Variants in RBFOX3 observed in about 807,000 individuals in gnomAD.
The protein encoded by RBFOX3 is RNA binding protein fox-1 homolog 3.
RBFOX3 carries 17 observed loss-of-function variants against 48.7 expected under a neutral mutation model. The observed-to-expected ratio is 0.35, with a 90% CI of 0.24 to 0.52. The LOEUF is 0.52. Among genes scored for constraint, RBFOX3 ranks in the 20% least tolerant of loss-of-function variants. RBFOX3 has a pLI of 0.94. For synonymous variants in RBFOX3, 212 were observed against 209.5 expected, an observed-to-expected ratio of 1.01 and a Z score of -0.10; for missense variants, 382 against 497.5, an observed-to-expected ratio of 0.77 and a Z score of 2.21.
intron 3 of RBFOX3, among the ~76,000 whole-genome samples, chr17:79,304,239 T>C (rs1024327666): frequency 3.3e-5 from 5 of 152,066 alleles, no homozygotes; most frequent in Admixed American, 6.6e-5. Context: ...AACAGAATGA[T>C]ATTCAATCAT....
At chr17:79,435,546 C>T (rs1348573737) in intron 2 of RBFOX3, among the ~76,000 whole-genome samples, 1 of 152,238 alleles carries the variant, frequency 6.6e-6, no homozygotes, top group Non-Finnish European at 1.5e-5. Context: ...AGCACAGTCA[C>T]CACCTCCTCC....
At chr17:79,123,935 T>C (rs1397888043) in intron 4 of RBFOX3, among the ~76,000 whole-genome samples, 1 of 152,170 alleles carries the variant, frequency 6.6e-6, no homozygotes, top group Non-Finnish European at 1.5e-5. Flanking sequence ...ACGAACGCCA[T>C]TTTTACAGAG....
chr17:79,591,853 C>A (rs1024142417), intron 1 of RBFOX3, among the ~76,000 whole-genome samples: 1 of 139,896 alleles, frequency 7.1e-6, no homozygotes, highest in Admixed American at 7.0e-5. Flanking sequence ...GGGGTGTGCA[C>A]GTGTGGAGGG....
At chr17:79,271,500 G>A (rs2067696182) in intron 3 of RBFOX3, among the ~76,000 whole-genome samples, 1 of 152,182 alleles carries the variant, frequency 6.6e-6, no homozygotes, top group South Asian at 2.1e-4. Flanking sequence ...TCTTTGCGCT[G>A]TCCTTCTCCC....
At chr17:79,219,404 G>GCA (rs142118751) in intron 4 of RBFOX3, among the ~76,000 whole-genome samples, 2 of 152,158 alleles carry the variant, frequency 1.3e-5, no homozygotes, top group African/African-American at 4.8e-5. Context: ...GCGTGCGCGT[G>GCA]CACACACACA....
At chr17:79,356,804 C>A (rs1380939277) in intron 2 of RBFOX3, among the ~76,000 whole-genome samples, 1 of 152,084 alleles carries the variant, frequency 6.6e-6, no homozygotes, top group Non-Finnish European at 1.5e-5. Context: ...TGGGAAGAAT[C>A]ATGAAAAGTC....
chr17:79,210,043 G>A (rs1331235026), intron 4 of RBFOX3, among the ~76,000 whole-genome samples: 1 of 151,844 alleles, frequency 6.6e-6, no homozygotes, highest in Non-Finnish European at 1.5e-5. Flanking sequence ...GTTTCTGTGT[G>A]CGCACAGAGG....
In RBFOX3 at chr17:79,097,244, C is replaced by T. The variant is rs1568119138; in HGVS notation, c.755+48G>A. 4 of 1,470,756 alleles carry T rather than the reference C, an allele frequency of 2.7e-6. No homozygotes were observed. In the South Asian group the frequency reaches 3.9e-5, roughly 14 times the overall value. The allele number at this position is 1,470,756 out of a possible 1,614,324, so 91.1% of individuals were successfully genotyped here. A position where few individuals can be genotyped will look rare whatever the true frequency, so the allele number is the denominator to read the frequency against. ...CAGGGCCTCCCCATTTCCCTCCTCC[C>T]CGCCGTCCTACCCCCTCCTCCACGC... is the stretch of plus-strand genomic sequence containing the variant. On this transcript the variant is annotated intron_variant, in intron 11 of 14. Coordinates refer to ENST00000693108, the MANE Select transcript of RBFOX3 (RefSeq NM_001350451.2).
intron 4 of RBFOX3, among the ~76,000 whole-genome samples, chr17:79,168,703 C>T (rs1407071273): frequency 6.6e-6 from 1 of 152,236 alleles, no homozygotes; most frequent in African/African-American, 2.4e-5. Flanking sequence ...CCGCACGGGG[C>T]TGCGGCCTCT....
At position 79,363,949 on chromosome 17, in the gene RBFOX3, A is replaced by G. The variant is rs574904777; in HGVS notation, c.-174-56125T>C. Among the ~76,000 whole-genome samples the G allele has an allele frequency of 6.6e-6, 1 of 151,938 alleles. No homozygotes were observed. Among genetic ancestry groups the G allele is most frequent in the Non-Finnish European group, 1.5e-5 (1 of 67,984 alleles). ...AGCCACCCTGGCCTCCAGCTCCTCC[A>G]CAAATCACAGCCTGTGCTCCACCAC... On this transcript the variant is annotated intron_variant, in intron 2 of 14. Transcript: ENST00000693108. This position sits in a 1 kb window ranked among gnomAD's most constrained non-coding sequence, Gnocchi z 4.7.
At chr17:79,485,148 C>G (rs1293797676) in intron 1 of RBFOX3, among the ~76,000 whole-genome samples, 1 of 152,130 alleles carries the variant, frequency 6.6e-6, no homozygotes, top group African/African-American at 2.4e-5. Context: ...TGGGGAGAGG[C>G]GGGCTGTCTG....
chr17:79,132,855 A>C (rs2039298765), intron 4 of RBFOX3: 2 of 152,218 alleles, frequency 1.3e-5, no homozygotes, highest in South Asian at 4.1e-4. Context: ...AGGAAAAGCA[A>C]AGCCCTTCCC....
intron 4 of RBFOX3, among the ~76,000 whole-genome samples, chr17:79,190,150 G>A (rs1277527936): frequency 6.6e-6 from 1 of 152,206 alleles, no homozygotes; most frequent in South Asian, 2.1e-4. Context: ...AGTGGCTCAC[G>A]CCTGTAATCC....
intron 2 of RBFOX3, among the ~76,000 whole-genome samples, chr17:79,420,477 C>CTAGA (rs1555721721): frequency 3.3e-5 from 5 of 152,152 alleles, no homozygotes. Context: ...AGCCAGCCTG[C>CTAGA]TAGAGTCCCC....
intron 14 of RBFOX3, among the ~76,000 whole-genome samples, chr17:79,092,989 G>A (rs750769713): frequency 6.6e-6 from 1 of 152,112 alleles, no homozygotes; most frequent in Non-Finnish European, 1.5e-5. Flanking sequence ...CCACCTCCTC[G>A]CACCCCAGCA....
intron 5 of RBFOX3, among the ~76,000 whole-genome samples, chr17:79,108,929 G>A (rs896869113): frequency 4.6e-5 from 7 of 152,254 alleles, no homozygotes; most frequent in African/African-American, 4.8e-5. Flanking sequence ...ACGTGTCCAC[G>A]TTCCTGATGC....
At chr17:79,287,003 A>T (rs375037718) in intron 3 of RBFOX3, among the ~76,000 whole-genome samples, 1 of 152,254 alleles carries the variant, frequency 6.6e-6, no homozygotes, top group Non-Finnish European at 1.5e-5. Context: ...AGCCAGGCAC[A>T]GTTCACTAGC....
chr17:79,503,933 C>T lies in RBFOX3; in HGVS notation c.-319-21335G>A, dbSNP rs932854973. Among the ~76,000 whole-genome samples, 21 of 152,296 alleles carry T rather than the reference C, an allele frequency of 1.4e-4. 1 individual carries two copies. The highest frequency in any genetic ancestry group is 1.9e-4 in the East Asian group (1 of 5,178). On this transcript the variant is annotated intron_variant, in intron 1 of 14. Coordinates refer to ENST00000693108, the MANE Select transcript of RBFOX3 (RefSeq NM_001350451.2). ...CCCTTCCTCCCGACTTAGACTCCAG[C>T]GGAGCTTGTGCACACCCACCTTCCA...
intron 2 of RBFOX3, among the ~76,000 whole-genome samples, chr17:79,454,037 T>A (rs2074037912): frequency 6.6e-6 from 1 of 152,028 alleles, no homozygotes; most frequent in African/African-American, 2.4e-5. Flanking sequence ...GTGTAGGAAA[T>A]GCGCTCTGAC....
Sources: allele counts gnomAD v4.1 joint callset (sites outside exome capture counted in the v4.1 genomes callset), GRCh38; gene constraint gnomAD v4.1.1; non-coding constraint Gnocchi (gnomAD v3.1); transcripts MANE v1.5; gene names NCBI Gene and HGNC (gene_info 2026-07-23, HGNC 2026-07-21).